Variants in AFG3L2 observed in about 807,000 individuals in gnomAD.
AFG3L2 encodes the protein mitochondrial inner membrane m-AAA protease component AFG3L2.
In AFG3L2, 54 loss-of-function variants were observed where a neutral mutation model predicts 94.5. That is an observed-to-expected ratio of 0.57 (90% CI 0.46 to 0.72). The LOEUF is 0.72. AFG3L2 is among the 30% of genes least tolerant of loss of function. The probability of loss-of-function intolerance (pLI) is 0.00; values close to 1 mark genes in which losing one functional copy is unlikely to be tolerated. For synonymous variants in AFG3L2, 377 were observed against 365.5 expected, an observed-to-expected ratio of 1.03 and a Z score of -0.36; for missense variants, 754 against 994.9, an observed-to-expected ratio of 0.76 and a Z score of 3.26.
chr18:12,371,841 G>C, intron 1 of AFG3L2, 150 bp from the exon 2 acceptor site: 2 of 680,250 alleles, frequency 2.9e-6, no homozygotes, highest in South Asian at 1.6e-5. Flanking sequence ...GTGAGGACTA[G>C]GATTACCTAG....
Position 12,333,757 on chromosome 18 carries a change from C to T in AFG3L2, c.2175+3584G>A, listed in dbSNP as rs574673327. ...CTGAATCTTCAGTAACCAGCATGCA[C>T]TTGACATTTAACAGTTCTCGATTCA... On this transcript the variant is annotated intron_variant, in intron 16 of 16. Transcript: ENST00000269143. 9.2e-5 allele frequency among the ~76,000 whole-genome samples: 14 copies of T among 152,296 alleles called. No homozygotes were observed. In the South Asian group the frequency reaches 1.5e-3, roughly 16 times the overall value.
chr18:12,357,772 T>C lies in AFG3L2; in HGVS notation c.1026+898A>G, dbSNP rs200697814. On this transcript the variant is annotated intron_variant, in intron 8 of 16. Coordinates refer to ENST00000269143, the MANE Select transcript of AFG3L2 (RefSeq NM_006796.3). ...AACACCATGCCCAGCTAATTTTTTG[T>C]ATTTTTAGTAGAGACAGGGATTCAC... is the stretch of plus-strand genomic sequence containing the variant. 2.0e-4 allele frequency among the ~76,000 whole-genome samples: 31 copies of C among 152,252 alleles called. 1 individual carries two copies. In the East Asian group the frequency reaches 5.2e-3, roughly 26 times the overall value.
intron 14 of AFG3L2, chr18:12,342,310 A>G (rs1172479472): frequency 6.6e-6 from 1 of 152,240 alleles, no homozygotes; most frequent in Non-Finnish European, 1.5e-5. Flanking sequence ...TCCCTGATAA[A>G]TAATGATACC....
chr18:12,357,144 A>C (rs1908521626), intron 8 of AFG3L2, among the ~76,000 whole-genome samples: 2 of 152,212 alleles, frequency 1.3e-5, no homozygotes, highest in South Asian at 4.1e-4. Flanking sequence ...TATACTAATA[A>C]ATCTGCTAAG....
intron 1 of AFG3L2, among the ~76,000 whole-genome samples, chr18:12,375,557 A>C (rs1376757109): frequency 6.7e-6 from 1 of 150,214 alleles, no homozygotes; most frequent in Non-Finnish European, 1.5e-5. Context: ...GGTGAACCCT[A>C]TCTTTTGGGA....
intron 14 of AFG3L2, 50 bp downstream of exon 14, chr18:12,344,082 G>A (rs775244310): frequency 2.0e-6 from 3 of 1,469,688 alleles, no homozygotes; most frequent in Non-Finnish European, 1.9e-6. Context: ...ACTGCAGCGA[G>A]CATCTGCTCA....
At position 12,367,275 on chromosome 18, in the gene AFG3L2, C is replaced by A. The variant is rs1908835333; in HGVS notation, c.399+1G>T. On this transcript the variant is annotated splice_donor_variant, in intron 4 of 16. Coordinates refer to ENST00000269143, the MANE Select transcript of AFG3L2 (RefSeq NM_006796.3). LOFTEE classifies it high-confidence loss of function. The stretch of plus-strand genomic sequence containing the variant: ...AATTCACACAATGTATAGCATCAAA[C>A]CTTCTGAAACCTGGACCACCAGTGA... 1 of 1,614,070 alleles carries A rather than the reference C, an allele frequency of 6.2e-7. No homozygotes were observed. The highest frequency in any genetic ancestry group is 8.5e-7 in the Non-Finnish European group (1 of 1,180,042).
chr18:12,329,298 C>G lies in AFG3L2; in HGVS notation c.*267G>C. 1.4e-6 allele frequency: 1 copy of G among 690,718 alleles called. No individual in the cohort carries two copies. Among genetic ancestry groups the G allele is most frequent in the Non-Finnish European group, 2.6e-6 (1 of 379,670 alleles). The allele number at this position is 690,718 out of a possible 1,614,324, so 42.8% of individuals were successfully genotyped here. ...GTGCCACAGGGTCCAGCCTCGGCCA[C>G]TCTGGGCTCAACCTTTCCAGCACGT... On this transcript the variant is annotated 3_prime_UTR_variant, in exon 17 of 17. Transcript: ENST00000269143.
Position 12,339,579 on chromosome 18 carries a change from G to C in AFG3L2, c.1980+622C>G, listed in dbSNP as rs1354558241. Among the ~76,000 whole-genome samples, 6 of 149,314 alleles carry C rather than the reference G, an allele frequency of 4.0e-5. No homozygotes were observed. In the South Asian group the frequency reaches 1.3e-3, roughly 32 times the overall value. On this transcript the variant is annotated intron_variant, in intron 15 of 16. Transcript: ENST00000269143. ...AAAAAAAAAAAAAACAAAAAAGCTG[G>C]GCGCAGTGGCTCACGCCTGTAATCC... is the stretch of plus-strand genomic sequence containing the variant.
At chr18:12,340,116 A>G in intron 15 of AFG3L2, 85 bp downstream of exon 15, 1 of 1,254,990 alleles carries the variant, frequency 8.0e-7, no homozygotes, top group South Asian at 1.2e-5. Flanking sequence ...GCACAACTAT[A>G]TTGTTTCAGA....
intron 12 of AFG3L2, among the ~76,000 whole-genome samples, chr18:12,350,525 G>C (rs1908282303): frequency 6.6e-6 from 1 of 152,226 alleles, no homozygotes. Flanking sequence ...AGAAAGAGAA[G>C]AGGGTATAGA....
chr18:12,329,927 T>G, intron 16 of AFG3L2, 144 bp from the exon 17 acceptor site: 1 of 731,318 alleles, frequency 1.4e-6, no homozygotes, highest in Non-Finnish European at 2.3e-6. Context: ...GTTGCATAGT[T>G]TTAGAGTAAG....
At position 12,371,292 on chromosome 18, in the gene AFG3L2, C is replaced by T. The variant is rs79127484; in HGVS notation, c.214+300G>A. ...TCGCACTAGTGCACTCCAACCTGGG[C>T]GACAAGAGCCAAACTCAGTCTCCAA... On this transcript the variant is annotated intron_variant, in intron 2 of 16. Coordinates refer to ENST00000269143, the MANE Select transcript of AFG3L2 (RefSeq NM_006796.3). 0.022 allele frequency among the ~76,000 whole-genome samples: 3,147 copies of T among 144,762 alleles called. 227 individuals carry two copies. The East Asian group carries it at 0.26, about 12-fold the overall frequency. 95.0% of individuals were successfully genotyped at this position (144,762 alleles called of 152,430 possible).
At position 12,329,542 on chromosome 18, in the gene AFG3L2, T is replaced by G. The variant is rs748831145; in HGVS notation, c.*23A>C. The G allele has an allele frequency of 1.2e-6, 2 of 1,606,406 alleles. No individual in the cohort carries two copies. Among genetic ancestry groups the G allele is most frequent in the Non-Finnish European group, 1.7e-6 (2 of 1,173,704 alleles). The stretch of plus-strand genomic sequence containing the variant: ...CCAGCTGAAACCACAGTGGACAGAC[T>G]GAGATGGCCTCCCTCTGGGCCTCTA... On this transcript the variant is annotated 3_prime_UTR_variant, in exon 17 of 17. Transcript: ENST00000269143.
rs745314664 is a variant in AFG3L2, at chr18:12,359,913, A to G, written c.752+14T>C. 24 of 1,612,588 alleles carry G rather than the reference A, an allele frequency of 1.5e-5. No homozygotes were observed. The highest frequency in any genetic ancestry group is 3.3e-5 in the Admixed American group (2 of 60,000). On this transcript the variant is annotated intron_variant, in intron 7 of 16. Coordinates refer to ENST00000269143, the MANE Select transcript of AFG3L2 (RefSeq NM_006796.3). Reference sequence around the variant, plus strand: ...CACAGTCAACAGTCTACAAAATATTATATTTGAGATTACCCATCACTTTCA... The same window carrying G: ...CACAGTCAACAGTCTACAAAATATTGTATTTGAGATTACCCATCACTTTCA...
intron 16 of AFG3L2, chr18:12,337,138 CG>C (rs1171734446): frequency 1.6e-6 from 1 of 631,272 alleles, no homozygotes; most frequent in African/African-American, 1.8e-5. Context: ...CCACAGGAGC[CG>C]GGACAGTGTC....
intron 16 of AFG3L2, among the ~76,000 whole-genome samples, chr18:12,332,983 A>ACATATAC (rs1907600399): frequency 8.8e-6 from 1 of 114,090 alleles, no homozygotes; most frequent in African/African-American, 3.2e-5. Context: ...TATTATATAA[A>ACATATAC]TATATTATAT....
In AFG3L2 at chr18:12,356,452, G is replaced by A. The variant is rs568061517; in HGVS notation, c.1164+242C>T. 1.6e-3 allele frequency among the ~76,000 whole-genome samples: 245 copies of A among 152,262 alleles called. 2 individuals carry two copies. Among genetic ancestry groups the A allele is most frequent in the South Asian group, 8.5e-3 (41 of 4,826 alleles). On this transcript the variant is annotated intron_variant, in intron 9 of 16. Transcript: ENST00000269143. ...CAGGCATGAGCCACCGCGCCCAGCC[G>A]TCAATTCTTTAAATTGGTCTACTAT...
At chr18:12,348,420 T>C (rs904215069) in intron 12 of AFG3L2, 37 bp from the exon 13 acceptor site, 9 of 1,546,546 alleles carry the variant, frequency 5.8e-6, no homozygotes, top group African/African-American at 5.4e-5. Flanking sequence ...CCCACCGAAA[T>C]ACGCCCAAAC....
Sources: allele counts gnomAD v4.1 joint callset (sites outside exome capture counted in the v4.1 genomes callset), GRCh38; gene constraint gnomAD v4.1.1; transcripts MANE v1.5; gene names NCBI Gene and HGNC (gene_info 2026-07-23, HGNC 2026-07-21).